TRPM8: variants seen among roughly 807,000 people sequenced by gnomAD.
TRPM8 encodes TRPM8 cationic channel.
A neutral mutation model predicts 133.7 loss-of-function variants in TRPM8; 110 were observed. That is an observed-to-expected ratio of 0.82 (90% CI 0.70 to 0.96). The LOEUF (loss-of-function observed/expected upper bound fraction) is 0.96. TRPM8 is among the 40% of genes least tolerant of loss of function. TRPM8 has a pLI of 0.00. For missense variants in TRPM8, 1,291 were observed against 1,379.5 expected (o/e 0.94, Z 1.02); for synonymous variants, 535 against 532.3 (o/e 1.01, Z -0.07).
intron 15 of TRPM8, among the ~76,000 whole-genome samples, chr2:233,969,272 GT>G (rs1165494372): frequency 6.6e-6 from 1 of 151,618 alleles, no homozygotes; most frequent in African/African-American, 2.4e-5. Flanking sequence ...GAGGTCGGGA[GT>G]TTGTGACCAG....
chr2:233,938,859 T>G, intron 4 of TRPM8, 139 bp from the exon 5 acceptor site: 1 of 880,916 alleles, frequency 1.1e-6, no homozygotes, highest in South Asian at 1.9e-5. Flanking sequence ...GGACCCCCAA[T>G]GCCGCGATCC....
At chr2:233,965,817 T>A (rs915599915) in intron 14 of TRPM8, among the ~76,000 whole-genome samples, 3 of 152,144 alleles carry the variant, frequency 2.0e-5, no homozygotes, top group African/African-American at 7.2e-5. Flanking sequence ...TGATGAAATG[T>A]AAGCACACAC....
intron 1 of TRPM8, among the ~76,000 whole-genome samples, chr2:233,918,439 A>G (rs1344309078): frequency 1.3e-5 from 2 of 152,008 alleles, no homozygotes; most frequent in Admixed American, 6.6e-5. Context: ...CATTCTTGGC[A>G]CCTGTGAAGA....
intron 14 of TRPM8, 107 bp from the exon 15 acceptor site, chr2:233,966,503 C>T (rs559457631): frequency 9.2e-5 from 127 of 1,383,414 alleles, no homozygotes; most frequent in African/African-American, 8.1e-4. Context: ...AATGGACTCA[C>T]GCACAGGCTA....
chr2:233,965,772 C>T (rs1691552597), intron 14 of TRPM8, among the ~76,000 whole-genome samples: 1 of 108,284 alleles, frequency 9.2e-6, no homozygotes, highest in Non-Finnish European at 2.0e-5. Flanking sequence ...AAAAATTTCC[C>T]TGAGGATCTA....
chr2:233,975,329 C>A lies in TRPM8; in HGVS notation c.2356-4859C>A, dbSNP rs189266885. Among the ~76,000 whole-genome samples, 1,280 of 152,272 alleles carry A rather than the reference C, an allele frequency of 8.4e-3. 10 individuals carry two copies. Among genetic ancestry groups the A allele is most frequent in the Non-Finnish European group, 0.012 (835 of 68,014 alleles). On this transcript the variant is annotated intron_variant, in intron 17 of 25. Coordinates refer to ENST00000324695, the MANE Select transcript of TRPM8 (RefSeq NM_024080.5). Reference sequence around the variant, plus strand: ...GTGGCCATGGTAACACTCAGGAGACCAGCGCTGGGGAGCTGGAGAGGAACC... The same window carrying A: ...GTGGCCATGGTAACACTCAGGAGACAAGCGCTGGGGAGCTGGAGAGGAACC...
At chr2:233,987,219 A>G (rs1435780919) in intron 21 of TRPM8, among the ~76,000 whole-genome samples, 1 of 152,262 alleles carries the variant, frequency 6.6e-6, no homozygotes, top group Non-Finnish European at 1.5e-5. Flanking sequence ...CGCTCTTAAA[A>G]GACAAAGTTT....
At chr2:233,928,892 A>G (rs1162526279) in intron 2 of TRPM8, among the ~76,000 whole-genome samples, 1 of 151,522 alleles carries the variant, frequency 6.6e-6, no homozygotes, top group Non-Finnish European at 1.5e-5. Flanking sequence ...TTATAATTTT[A>G]TGACTTGAGT....
rs1228619827 is a variant in TRPM8, at chr2:233,947,692, C to G, written c.942+537C>G. On this transcript the variant is annotated intron_variant, in intron 8 of 25. Coordinates refer to ENST00000324695, the MANE Select transcript of TRPM8 (RefSeq NM_024080.5). ...GCAACTGAGCAAGAATTTGACTTCC[C>G]AGCCAATCTGTATGGACTCATTACT... is the stretch of plus-strand genomic sequence containing the variant. 3.9e-6 allele frequency: 4 copies of G among 1,016,392 alleles called. No individual in the cohort carries two copies. The Admixed American group carries it at 9.3e-5, about 24-fold the overall frequency. The allele number at this position is 1,016,392 out of a possible 1,614,324, so 63.0% of individuals were successfully genotyped here. A position where few individuals can be genotyped will look rare whatever the true frequency, so the allele number is the denominator to read the frequency against.
intron 22 of TRPM8, among the ~76,000 whole-genome samples, chr2:234,003,652 A>G (rs548071791): frequency 6.6e-6 from 1 of 152,336 alleles, no homozygotes; most frequent in East Asian, 1.9e-4. Context: ...CAAGCATCAT[A>G]CTTCTTTCTG....
In TRPM8 at chr2:233,996,526, T is replaced by G; in HGVS notation, c.3130+10T>G. 6.2e-7 allele frequency: 1 copy of G among 1,613,708 alleles called. No homozygotes were observed. The highest frequency in any genetic ancestry group is 8.5e-7 in the Non-Finnish European group (1 of 1,179,632). On this transcript the variant is annotated intron_variant, in intron 22 of 25. Transcript: ENST00000324695. ...GAGTCTTCTGTCTGCTGTGAGTGGT[T>G]TATCCATGTGTACTTGGGATCAGAA...
chr2:234,007,318 C>G (rs1692720178), intron 23 of TRPM8, among the ~76,000 whole-genome samples: 1 of 152,174 alleles, frequency 6.6e-6, no homozygotes, highest in South Asian at 2.1e-4. Context: ...CATTATCTTG[C>G]AAGTGCCACA....
At chr2:233,937,906 C>T (rs968611015) in intron 4 of TRPM8, among the ~76,000 whole-genome samples, 1 of 152,200 alleles carries the variant, frequency 6.6e-6, no homozygotes, top group Admixed American at 6.5e-5. Context: ...AGCTCTCCAG[C>T]AAGGTTTCAC....
intron 5 of TRPM8, among the ~76,000 whole-genome samples, chr2:233,939,745 T>A (rs1322343391): frequency 6.6e-6 from 1 of 152,218 alleles, no homozygotes; most frequent in African/African-American, 2.4e-5. Flanking sequence ...ATTCACCAAT[T>A]GTTAACATTT....
At chr2:233,919,435 G>A (rs1057319682) in intron 1 of TRPM8, among the ~76,000 whole-genome samples, 1 of 152,028 alleles carries the variant, frequency 6.6e-6, no homozygotes, top group Non-Finnish European at 1.5e-5. Flanking sequence ...GCACAAATTA[G>A]CTTAATGTTT....
At chr2:233,984,752 A>G (rs1692101553) in intron 20 of TRPM8, among the ~76,000 whole-genome samples, 1 of 152,148 alleles carries the variant, frequency 6.6e-6, no homozygotes, top group Admixed American at 6.6e-5. Flanking sequence ...TCCTCTGCTT[A>G]AAACAGCCTT....
chr2:233,953,925 A>C lies in TRPM8; in HGVS notation c.1149A>C (p.Glu383Asp). The C allele has an allele frequency of 6.2e-7, 1 of 1,611,304 alleles. No individual in the cohort carries two copies. Among genetic ancestry groups the C allele is most frequent in the Non-Finnish European group, 8.5e-7 (1 of 1,179,260 alleles). Residue 383 changes from glutamate (E) to aspartate (D), a missense_variant, in exon 10 of 26, where the codon GAA becomes GAC. Glu to Asp is a conservative substitution (Grantham distance 45, BLOSUM62 2). This residue lies in a region of TRPM8 where 963 missense variants were observed against 968.9 expected (regional missense o/e 0.99). Coordinates refer to ENST00000324695, the MANE Select transcript of TRPM8 (RefSeq NM_024080.5). ...TTCTTTAATTTCGCCAGCTCAAAGA[A>C]ATTCTCGAATGTTCTCACCTATTAA... is the stretch of plus-strand genomic sequence containing the variant. Reference protein sequence around the residue: ...ETESWIKWLKEILECSHLLTV... With the variant: ...ETESWIKWLKDILECSHLLTV...
chr2:233,955,609 A>G (rs912796988), intron 11 of TRPM8, among the ~76,000 whole-genome samples: 15 of 152,198 alleles, frequency 9.9e-5, no homozygotes, highest in South Asian at 2.1e-4. Context: ...GATTGAAAGT[A>G]GCTCAACTAT....
chr2:233,925,726 C>G (rs1036773501), intron 1 of TRPM8, among the ~76,000 whole-genome samples: 3 of 152,004 alleles, frequency 2.0e-5, no homozygotes, highest in African/African-American at 7.3e-5. Context: ...ACACGGTATG[C>G]AGGAAGGACA....
Sources: gnomAD v4.1 joint callset for allele counts (sites outside exome capture counted in the v4.1 genomes callset) on GRCh38, gnomAD v4.1.1 for gene constraint, gnomAD v4.1.1 regional missense constraint, MANE v1.5 for transcripts, NCBI Gene and HGNC (gene_info 2026-07-23, HGNC 2026-07-21) for gene names.